The following FRMD3 variants were observed in gnomAD, a reference collection of about 807,000 sequenced individuals.
FRMD3 encodes the protein FERM domain containing 3.
FRMD3 carries 33 observed loss-of-function variants against 70.2 expected under a neutral mutation model. The ratio of observed to expected loss-of-function variants is 0.47; its 90% CI spans 0.36 to 0.63. FRMD3 has a LOEUF of 0.63. Among genes scored for constraint, FRMD3 ranks in the 20% least tolerant of loss-of-function variants. The pLI, the probability that FRMD3 is intolerant of heterozygous loss-of-function variation, is 0.00. For synonymous variants in FRMD3, 279 were observed against 255.9 expected, an observed-to-expected ratio of 1.09 and a Z score of -0.86; for missense variants, 632 against 711.4, an observed-to-expected ratio of 0.89 and a Z score of 1.27.
At chr9:83,342,475 C>T (rs1367876939) in intron 5 of FRMD3, among the ~76,000 whole-genome samples, 4 of 151,988 alleles carry the variant, frequency 2.6e-5, no homozygotes, top group Non-Finnish European at 5.9e-5. Context: ...GAAACTGAAC[C>T]CTGAAGAGCT....
chr9:83,278,000 G>A (rs1833847692), intron 13 of FRMD3, among the ~76,000 whole-genome samples: 1 of 152,190 alleles, frequency 6.6e-6, no homozygotes, highest in Admixed American at 6.5e-5. Flanking sequence ...GATAGTGTCA[G>A]GTGTTCTGAA....
Position 83,335,000 on chromosome 9 carries a change from A to C in FRMD3, c.596+516T>G, listed in dbSNP as rs78501929. On this transcript the variant is annotated intron_variant, in intron 6 of 13. Coordinates refer to ENST00000304195, the MANE Select transcript of FRMD3 (RefSeq NM_174938.6). ...AGGAACGTGGTGAATGCTCTATGCA[A>C]TTTTGCTTCTACCACTGCTACTGTG... 1.2e-3 allele frequency among the ~76,000 whole-genome samples: 179 copies of C among 152,238 alleles called. 2 individuals are homozygous for C. In the East Asian group the frequency reaches 0.029, roughly 25 times the overall value.
chr9:83,371,674 G>T (rs1367467522), intron 3 of FRMD3, among the ~76,000 whole-genome samples: 3 of 152,152 alleles, frequency 2.0e-5, no homozygotes, highest in African/African-American at 7.2e-5. Flanking sequence ...TTCTGCTCCA[G>T]CCCCACCCCA....
chr9:83,474,289 T>C (rs530557257), intron 1 of FRMD3, among the ~76,000 whole-genome samples: 3 of 152,288 alleles, frequency 2.0e-5, no homozygotes, highest in East Asian at 1.9e-4. Flanking sequence ...AAGATGAAAA[T>C]AGGGATCTGA....
At chr9:83,392,968 T>C (rs1825707964) in intron 1 of FRMD3, among the ~76,000 whole-genome samples, 1 of 152,230 alleles carries the variant, frequency 6.6e-6, no homozygotes, top group Admixed American at 6.5e-5. Context: ...GTTACCTAAA[T>C]TATGTTTTAT....
intron 1 of FRMD3, among the ~76,000 whole-genome samples, chr9:83,489,581 G>A (rs1828769381): frequency 6.6e-6 from 1 of 152,056 alleles, no homozygotes; most frequent in Non-Finnish European, 1.5e-5. Flanking sequence ...CCAGTCAGAT[G>A]GCTATTATTA....
chr9:83,327,912 A>T (rs1039224706), intron 6 of FRMD3, among the ~76,000 whole-genome samples: 1 of 152,120 alleles, frequency 6.6e-6, no homozygotes, highest in Non-Finnish European at 1.5e-5. Flanking sequence ...TCACTTAGAG[A>T]GGGACATTAT....
chr9:83,462,288 T>C (rs1005165664), intron 1 of FRMD3, among the ~76,000 whole-genome samples: 63 of 152,214 alleles, frequency 4.1e-4, no homozygotes, highest in African/African-American at 1.3e-3. Flanking sequence ...TTATTACTGA[T>C]GCATATACAT....
chr9:83,458,840 G>A (rs529052313), intron 1 of FRMD3, among the ~76,000 whole-genome samples: 369 of 152,210 alleles, frequency 2.4e-3, no homozygotes, highest in African/African-American at 8.3e-3. Flanking sequence ...AAGGGACTTG[G>A]TGCAGAAAAA....
rs577515216 is a variant in FRMD3 at position 83,430,562 on chromosome 9, T to C, written c.148-40854A>G. ...TTTGTTCCTTAACTTGTTAAAATTA[T>C]AAAACAATGACCATGATAAAAGAAA... On this transcript the variant is annotated intron_variant, in intron 1 of 13. Coordinates refer to ENST00000304195, the MANE Select transcript of FRMD3 (RefSeq NM_174938.6). Among the ~76,000 whole-genome samples, 37 of 152,344 alleles carry C rather than the reference T, an allele frequency of 2.4e-4. No homozygotes were observed. The South Asian group carries it at 7.4e-3, about 31-fold the overall frequency.
chr9:83,326,054 T>C (rs946932238), intron 6 of FRMD3, among the ~76,000 whole-genome samples: 3 of 152,102 alleles, frequency 2.0e-5, no homozygotes, highest in African/African-American at 4.8e-5. Flanking sequence ...TGACCGGGTA[T>C]AAAAAATGGT....
At position 83,443,725 on chromosome 9, in the gene FRMD3, C is replaced by G. The variant is rs143430243; in HGVS notation, c.148-54017G>C. On this transcript the variant is annotated intron_variant, in intron 1 of 13. Coordinates refer to ENST00000304195, the MANE Select transcript of FRMD3 (RefSeq NM_174938.6). Reference sequence around the variant, plus strand: ...CTCGAGGAATCGCCACACTGTCCCCCACAATTGTTGAAGCAGTCTACACTC... The same window carrying G: ...CTCGAGGAATCGCCACACTGTCCCCGACAATTGTTGAAGCAGTCTACACTC... 4.0e-4 allele frequency among the ~76,000 whole-genome samples: 61 copies of G among 152,282 alleles called. No homozygotes were observed. In the East Asian group the frequency reaches 0.01, roughly 25 times the overall value.
the FRMD3 span, among the ~76,000 whole-genome samples, chr9:83,547,927 C>T: frequency 6.6e-6 from 1 of 152,116 alleles, no homozygotes; most frequent in Non-Finnish European, 1.5e-5. Context: ...GAAATCAATA[C>T]CAAAGCAGAT....
intron 1 of FRMD3, among the ~76,000 whole-genome samples, chr9:83,410,821 G>A (rs970143536): frequency 1.3e-5 from 2 of 152,040 alleles, no homozygotes; most frequent in African/African-American, 2.4e-5. Flanking sequence ...TGTTGTTTTT[G>A]ACCTCCTAAA....
At chr9:83,296,658 T>C (rs757407033) in intron 12 of FRMD3, among the ~76,000 whole-genome samples, 23 of 152,182 alleles carry the variant, frequency 1.5e-4, no homozygotes, top group Non-Finnish European at 2.9e-4. Flanking sequence ...AAAGCAGGTC[T>C]CAAGGGCCCC....
intron 1 of FRMD3, among the ~76,000 whole-genome samples, chr9:83,527,234 G>A (rs1829703610): frequency 6.6e-6 from 1 of 152,186 alleles, no homozygotes; most frequent in African/African-American, 2.4e-5. Flanking sequence ...AGTCCTGTGT[G>A]CTCTCATGGA....
At chr9:83,302,053 T>C (rs1834949361) in intron 10 of FRMD3, among the ~76,000 whole-genome samples, 1 of 152,186 alleles carries the variant, frequency 6.6e-6, no homozygotes, top group African/African-American at 2.4e-5. Context: ...AGGCAGTTTA[T>C]TCTGAGAGCT....
intron 13 of FRMD3, among the ~76,000 whole-genome samples, chr9:83,263,492 A>G (rs1414200129): frequency 6.6e-6 from 1 of 152,258 alleles, no homozygotes; most frequent in African/African-American, 2.4e-5. Context: ...CAAACATTAT[A>G]TAATAGCAAA....
chr9:83,386,775 T>C (rs953058227), intron 2 of FRMD3, among the ~76,000 whole-genome samples: 1 of 152,234 alleles, frequency 6.6e-6, no homozygotes, highest in Non-Finnish European at 1.5e-5. Context: ...AGTTGACGTG[T>C]CTCTCCAATC....
Sources: gnomAD v4.1 joint callset for allele counts (sites outside exome capture counted in the v4.1 genomes callset) on GRCh38, gnomAD v4.1.1 for gene constraint, MANE v1.5 for transcripts, NCBI Gene and HGNC (gene_info 2026-07-23, HGNC 2026-07-21) for gene names.